The following DCP1B variants were observed in gnomAD, a reference collection of about 807,000 sequenced individuals.
DCP1B encodes mRNA-decapping enzyme 1B.
In DCP1B, 47 loss-of-function variants were observed where a neutral mutation model predicts 60.5. The observed-to-expected ratio is 0.78, with a 90% CI of 0.61 to 0.99. The LOEUF (loss-of-function observed/expected upper bound fraction) is 0.99, where lower values mean the gene tolerates loss of function less well. DCP1B is among the 50% of genes least tolerant of loss of function. The pLI is 0.00. For synonymous variants in DCP1B, 267 were observed against 280.3 expected (o/e 0.95, Z 0.47); for missense variants, 725 against 756.8 (o/e 0.96, Z 0.49).
At chr12:1,977,156 A>G (rs1348749537) in intron 3 of DCP1B, among the ~76,000 whole-genome samples, 1 of 152,238 alleles carries the variant, frequency 6.6e-6, no homozygotes, top group Admixed American at 6.5e-5. Context: ...GAAAAGACGT[A>G]ACAAAGTCTC....
rs561039487 is a variant in DCP1B at position 1,990,529 on chromosome 12, T to C, written c.319+2735A>G. ...TTTTGCTCTTCTACATTCATCCAAT[T>C]CAAGAAAGGGATTTTTTTTTTCTCT... On this transcript the variant is annotated intron_variant, in intron 3 of 8. Transcript: ENST00000280665. Among the ~76,000 whole-genome samples, 5 of 152,240 alleles carry C rather than the reference T, an allele frequency of 3.3e-5. No individual in the cohort carries two copies. The East Asian group carries it at 9.6e-4, about 29-fold the overall frequency.
intron 2 of DCP1B, among the ~76,000 whole-genome samples, chr12:1,996,134 C>T (rs950543843): frequency 6.6e-6 from 1 of 152,102 alleles, no homozygotes. Flanking sequence ...TCATATCTAC[C>T]CCACTGCAAT....
At chr12:1,955,808 A>T (rs1422029277) in intron 5 of DCP1B, among the ~76,000 whole-genome samples, 3 of 152,224 alleles carry the variant, frequency 2.0e-5, no homozygotes, top group Admixed American at 2.0e-4. Flanking sequence ...CTCCAGGACC[A>T]GGGGTTCTTA....
At chr12:1,942,387 C>T (rs1011605931), downstream of DCP1B, among the ~76,000 whole-genome samples, 21 of 152,258 alleles carry the variant, frequency 1.4e-4, no homozygotes, top group East Asian at 7.7e-4. Flanking sequence ...ATCAATGAGA[C>T]GGAAAATTAA....
Position 1,968,054 on chromosome 12 carries a change from T to C in DCP1B, c.320-144A>G. On this transcript the variant is annotated intron_variant, in intron 3 of 8. Coordinates refer to ENST00000280665, the MANE Select transcript of DCP1B (RefSeq NM_152640.5). ...TTATTGAATAAATAAAAGCAATCAT[T>C]GGGGTTAAAGCTTAAAAATACAGCA... The C allele has an allele frequency of 5.5e-6, 4 of 725,690 alleles. No individual in the cohort carries two copies. The South Asian group carries it at 5.8e-5, about 11-fold the overall frequency. 45.0% of individuals were successfully genotyped at this position (725,690 alleles called of 1,614,324 possible). A position where few individuals can be genotyped will look rare whatever the true frequency, so the allele number is the denominator to read the frequency against.
At chr12:1,957,245 T>G (rs960683853) in intron 5 of DCP1B, among the ~76,000 whole-genome samples, 9 of 152,358 alleles carry the variant, frequency 5.9e-5, no homozygotes, top group Non-Finnish European at 8.8e-5. Context: ...GAGGCATTTC[T>G]TTAAAACTTC....
chr12:1,951,706 T>C (rs1395909757), intron 7 of DCP1B, among the ~76,000 whole-genome samples: 1 of 152,214 alleles, frequency 6.6e-6, no homozygotes, highest in Non-Finnish European at 1.5e-5. Flanking sequence ...ACCTACAGCA[T>C]GGGCTGTGGG....
intron 1 of DCP1B, among the ~76,000 whole-genome samples, chr12:1,999,000 T>C (rs2041568147): frequency 6.6e-6 from 1 of 152,260 alleles, no homozygotes; most frequent in Admixed American, 6.5e-5. Flanking sequence ...GGCATGATCC[T>C]TTCACATGCT....
intron 3 of DCP1B, among the ~76,000 whole-genome samples, chr12:1,986,442 A>G (rs1382782272): frequency 1.3e-5 from 2 of 152,184 alleles, no homozygotes; most frequent in Non-Finnish European, 2.9e-5. Context: ...AAAAGAAAAT[A>G]AAAATAAAAA....
rs1055073227 is a variant in DCP1B at position 1,948,278 on chromosome 12, G to A, written c.1773+808C>T. Among the ~76,000 whole-genome samples the A allele has an allele frequency of 1.2e-4, 18 of 152,206 alleles. No homozygotes were observed. The highest frequency in any genetic ancestry group is 4.1e-4 in the African/African-American group (17 of 41,458). ...CCCTGCCAACATTCATGTGGTGAACGTGGCCCACGGGAGAGTACGTGGGAA... is the reference window on the plus strand; with the variant it reads ...CCCTGCCAACATTCATGTGGTGAACATGGCCCACGGGAGAGTACGTGGGAA... On this transcript the variant is annotated intron_variant, in intron 8 of 8. Coordinates refer to ENST00000280665, the MANE Select transcript of DCP1B (RefSeq NM_152640.5). The surrounding 1 kb of genome is among the most constrained non-coding windows in gnomAD (Gnocchi z 4.8).
rs2032072091 is a variant in DCP1B at position 1,971,117 on chromosome 12, C to T, written c.320-3207G>A. ...GCCTGCATACCAGCCGCTTCCCAGC[C>T]ACCTGTCTGCCAACACGGAGGTCAA... On this transcript the variant is annotated intron_variant, in intron 3 of 8. Coordinates refer to ENST00000280665, the MANE Select transcript of DCP1B (RefSeq NM_152640.5). The surrounding 1 kb of genome is among the most constrained non-coding windows in gnomAD (Gnocchi z 4.2). 2 of 1,289,340 alleles carry T rather than the reference C, an allele frequency of 1.6e-6. No individual in the cohort carries two copies. Among genetic ancestry groups the T allele is most frequent in the Non-Finnish European group, 1.0e-6 (1 of 988,566 alleles). 79.9% of individuals were successfully genotyped at this position (1,289,340 alleles called of 1,614,324 possible).
At chr12:1,943,918 T>C (rs1204995970), downstream of DCP1B, among the ~76,000 whole-genome samples, 4 of 152,158 alleles carry the variant, frequency 2.6e-5, no homozygotes, top group African/African-American at 4.8e-5. Context: ...CTATTCAACA[T>C]AGTATTGGAA....
chr12:1,984,760 C>T (rs11062043), intron 3 of DCP1B, among the ~76,000 whole-genome samples: 1 of 96,104 alleles, frequency 1.0e-5, no homozygotes, highest in African/African-American at 4.2e-5. Context: ...AGCATTTATT[C>T]TACAGTGGGT....
At chr12:1,968,306 C>T (rs1048205354) in intron 3 of DCP1B, among the ~76,000 whole-genome samples, 6 of 150,328 alleles carry the variant, frequency 4.0e-5, no homozygotes, top group East Asian at 2.0e-4. Flanking sequence ...GAGCCAGGAT[C>T]GCGCCATTGG....
At chr12:1,959,689 G>C (rs2154456908) in intron 5 of DCP1B, among the ~76,000 whole-genome samples, 1 of 152,358 alleles carries the variant, frequency 6.6e-6, no homozygotes, top group Admixed American at 6.5e-5. Context: ...GCCAGGTGCA[G>C]TGGCTCACGC....
chr12:1,955,325 G>A, intron 6 of DCP1B, 107 bp downstream of exon 6: 3 of 1,308,238 alleles, frequency 2.3e-6, no homozygotes, highest in Non-Finnish European at 3.1e-6. Context: ...GGGTTTACCT[G>A]AAAGCATTCT....
rs767862796 is a variant in DCP1B, at chr12:1,955,413, C to T, written c.651+19G>A. 6.2e-7 allele frequency: 1 copy of T among 1,608,936 alleles called. No individual in the cohort carries two copies. Among genetic ancestry groups the T allele is most frequent in the Non-Finnish European group, 8.5e-7 (1 of 1,177,362 alleles). ...AATTCTAGAGACACACTGAATATGA[C>T]AAGCAGAGAACTCCGTACCTGGTTG... On this transcript the variant is annotated intron_variant, in intron 6 of 8. Transcript: ENST00000280665.
At chr12:1,953,796 T>A (rs1035043114) in intron 6 of DCP1B, among the ~76,000 whole-genome samples, 5 of 152,188 alleles carry the variant, frequency 3.3e-5, no homozygotes, top group South Asian at 2.1e-4. Flanking sequence ...ATTTAAAAAG[T>A]CCTTGGATAC....
chr12:1,982,012 T>C (rs981694383), intron 3 of DCP1B, among the ~76,000 whole-genome samples: 6 of 152,176 alleles, frequency 3.9e-5, no homozygotes, highest in African/African-American at 1.4e-4. Flanking sequence ...ACAGCCAGCT[T>C]TAAATGTTAG....
Sources: allele counts gnomAD v4.1 joint callset (sites outside exome capture counted in the v4.1 genomes callset), GRCh38; gene constraint gnomAD v4.1.1; non-coding constraint Gnocchi (gnomAD v3.1); transcripts MANE v1.5; gene names NCBI Gene and HGNC (gene_info 2026-07-23, HGNC 2026-07-21).